COL19A1: variants seen among roughly 807,000 people sequenced by gnomAD.
The protein encoded by COL19A1 is collagen type XIX alpha 1 chain.
A neutral mutation model predicts 190.2 loss-of-function variants in COL19A1; 159 were observed. The ratio of observed to expected loss-of-function variants is 0.84; its 90% CI spans 0.73 to 0.95. The LOEUF is 0.95. COL19A1 is among the 40% of genes least tolerant of loss of function. The pLI is 0.00. For synonymous variants in COL19A1, 509 were observed against 458.9 expected, an observed-to-expected ratio of 1.11 and a Z score of -1.39; for missense variants, 1,418 against 1,431.9, an observed-to-expected ratio of 0.99 and a Z score of 0.16.
chr6:69,909,530 G>A (rs1488757508), intron 4 of COL19A1, among the ~76,000 whole-genome samples: 1 of 152,116 alleles, frequency 6.6e-6, no homozygotes, highest in Non-Finnish European at 1.5e-5. Context: ...ACTACTGAGA[G>A]TCAGAGATGA....
intron 9 of COL19A1, among the ~76,000 whole-genome samples, chr6:69,944,552 T>TC (rs1773673263): frequency 6.6e-6 from 1 of 152,122 alleles, no homozygotes; most frequent in Non-Finnish European, 1.5e-5. Context: ...GTTTTTTCTT[T>TC]TAAAAAACAA....
At chr6:70,065,318 T>A (rs923619240) in intron 14 of COL19A1, among the ~76,000 whole-genome samples, 2 of 152,116 alleles carry the variant, frequency 1.3e-5, no homozygotes, top group African/African-American at 4.8e-5. Flanking sequence ...TCTACAACTA[T>A]CTGATCTTTG....
intron 9 of COL19A1, among the ~76,000 whole-genome samples, chr6:69,949,381 A>G (rs1483657334): frequency 1.3e-5 from 2 of 151,832 alleles, no homozygotes; most frequent in Admixed American, 6.6e-5. Context: ...CTTGAGTGAA[A>G]AAATGCCGCC....
In COL19A1 at chr6:70,149,809, C is replaced by T. The variant is rs771355370; in HGVS notation, c.1930-42C>T. ...TTACTTGGGGGAAATGACTGAAAGA[C>T]CATCCTCATAAGTAACTGTTTTTAT... On this transcript the variant is annotated intron_variant, in intron 28 of 50. Transcript: ENST00000620364. 81 of 1,613,388 alleles carry T rather than the reference C, an allele frequency of 5.0e-5. No homozygotes were observed. In the South Asian group the frequency reaches 8.5e-4, roughly 17 times the overall value.
chr6:70,175,168 C>A (rs897906745), intron 41 of COL19A1, among the ~76,000 whole-genome samples: 1 of 151,952 alleles, frequency 6.6e-6, no homozygotes, highest in East Asian at 1.9e-4. Context: ...TTATTTTTTT[C>A]TTTTTGATGA....
intron 17 of COL19A1, among the ~76,000 whole-genome samples, chr6:70,129,439 A>T (rs1234685051): frequency 6.6e-6 from 1 of 152,254 alleles, no homozygotes; most frequent in Non-Finnish European, 1.5e-5. Flanking sequence ...AGAAGGCAGA[A>T]GGCATGGGAA....
chr6:70,175,160 AT>A (rs548731350), intron 41 of COL19A1, among the ~76,000 whole-genome samples: 1 of 151,962 alleles, frequency 6.6e-6, no homozygotes, highest in African/African-American at 2.4e-5. Context: ...TCTATCAGTT[AT>A]TTTTTTCTTT....
chr6:70,040,128 AT>A (rs1420618064), intron 14 of COL19A1, among the ~76,000 whole-genome samples: 9 of 151,898 alleles, frequency 5.9e-5, no homozygotes, highest in Non-Finnish European at 1.3e-4. Flanking sequence ...TGGTACTTAA[AT>A]TTTTTTTAAT....
At chr6:70,019,358 C>T (rs1471381770) in intron 11 of COL19A1, among the ~76,000 whole-genome samples, 1 of 152,114 alleles carries the variant, frequency 6.6e-6, no homozygotes, top group African/African-American at 2.4e-5. Context: ...TATATTATTG[C>T]TATTATCTAT....
chr6:69,879,422 T>C, intron 1 of COL19A1, 114 bp from the exon 2 acceptor site: 1 of 624,026 alleles, frequency 1.6e-6, no homozygotes, highest in South Asian at 2.0e-5. Context: ...TTTCCTGTTA[T>C]ATGATGATAT....
chr6:70,148,954 A>T (rs1195070745), intron 27 of COL19A1, among the ~76,000 whole-genome samples: 1 of 151,832 alleles, frequency 6.6e-6, no homozygotes. Flanking sequence ...GAAAATTATT[A>T]GGGAAGTGAT....
At chr6:70,089,899 A>T (rs558904450) in intron 15 of COL19A1, among the ~76,000 whole-genome samples, 1 of 152,310 alleles carries the variant, frequency 6.6e-6, no homozygotes, top group South Asian at 2.1e-4. Context: ...CCAGTCAAAA[A>T]CAATGGGCTG....
chr6:69,867,221 G>A (rs1456896559), intron 1 of COL19A1, among the ~76,000 whole-genome samples: 4 of 152,076 alleles, frequency 2.6e-5, no homozygotes, highest in African/African-American at 9.7e-5. Flanking sequence ...ACATGTGGGT[G>A]TTTTTCCCAA....
intron 4 of COL19A1, among the ~76,000 whole-genome samples, chr6:69,927,084 C>A (rs1234287253): frequency 6.6e-6 from 1 of 152,078 alleles, no homozygotes; most frequent in East Asian, 1.9e-4. Flanking sequence ...GAGACTAGCA[C>A]ATCTGCCCTA....
chr6:70,167,698 A>T (rs1032696632), intron 37 of COL19A1, among the ~76,000 whole-genome samples: 1 of 152,218 alleles, frequency 6.6e-6, no homozygotes, highest in Non-Finnish European at 1.5e-5. Context: ...TTGACAATTC[A>T]GAAACTGAAT....
chr6:69,893,716 T>C (rs1368877086), intron 2 of COL19A1, among the ~76,000 whole-genome samples: 1 of 152,246 alleles, frequency 6.6e-6, no homozygotes, highest in Non-Finnish European at 1.5e-5. Context: ...CTTTCTCCTT[T>C]GTTTTCTTTC....
intron 11 of COL19A1, among the ~76,000 whole-genome samples, chr6:69,988,428 G>T (rs16868415): frequency 0.012 from 1,828 of 152,280 alleles, 37 homozygotes; most frequent in African/African-American, 0.04. Context: ...GCTTTTAATA[G>T]TTGGCTTTTC....
chr6:69,877,729 G>A (rs996615249), intron 1 of COL19A1, among the ~76,000 whole-genome samples: 2 of 152,018 alleles, frequency 1.3e-5, no homozygotes, highest in African/African-American at 4.8e-5. Flanking sequence ...TTAAAAAAAT[G>A]GGCAAAGGAG....
Position 70,072,959 on chromosome 6 carries a change from TTTTATTTATTTATTTA to T in COL19A1, c.1224+4510_1224+4525del, listed in dbSNP as rs70987496. Among the ~76,000 whole-genome samples the T allele has an allele frequency of 4.9e-5, 7 of 144,178 alleles. No individual in the cohort carries two copies. In the East Asian group the frequency reaches 6.2e-4, roughly 13 times the overall value. The allele number at this position is 144,178 out of a possible 152,430, so 94.6% of individuals were successfully genotyped here. Reference sequence around the variant, plus strand: ...AGACTTTGGGGCCAGATTGCCTGAATTTTATTTATTTATTTATTTATTTATTTATTTATTTATTTAT... The same window carrying T: ...AGACTTTGGGGCCAGATTGCCTGAATTTTATTTATTTATTTATTTATTTAT... On this transcript the variant is annotated intron_variant, in intron 15 of 50. Transcript: ENST00000620364.
Sources: allele counts gnomAD v4.1 joint callset (sites outside exome capture counted in the v4.1 genomes callset), GRCh38; gene constraint gnomAD v4.1.1; transcripts MANE v1.5; gene names NCBI Gene and HGNC (gene_info 2026-07-23, HGNC 2026-07-21).